ATP8A2: variants seen among roughly 807,000 people sequenced by gnomAD.
The protein encoded by ATP8A2 is phospholipid-transporting ATPase IB.
A neutral mutation model predicts 165.6 loss-of-function variants in ATP8A2; 100 were observed. The observed-to-expected ratio is 0.60, with a 90% CI of 0.51 to 0.71. The LOEUF is 0.71. Among genes scored for constraint, ATP8A2 ranks in the 30% least tolerant of loss-of-function variants. The probability of loss-of-function intolerance (pLI) is 0.00; values close to 1 mark genes in which losing one functional copy is unlikely to be tolerated. For missense variants in ATP8A2, 1,227 were observed against 1,479.5 expected, an observed-to-expected ratio of 0.83 and a Z score of 2.80; for synonymous variants, 543 against 548.8, an observed-to-expected ratio of 0.99 and a Z score of 0.15.
intron 24 of ATP8A2, among the ~76,000 whole-genome samples, chr13:25,689,057 CTT>C (rs986342006): frequency 3.3e-5 from 5 of 152,198 alleles, no homozygotes; most frequent in African/African-American, 7.2e-5. Context: ...GTCAAAGGGA[CTT>C]TAGAGACAGT....
chr13:25,451,908 G>T (rs147231907), intron 1 of ATP8A2, among the ~76,000 whole-genome samples: 7,063 of 150,944 alleles, frequency 0.047, 206 homozygotes, highest in East Asian at 0.093. Context: ...AGGCTGGAGT[G>T]CAGTGGCGTG....
rs149213080 is a variant in ATP8A2, at chr13:25,947,430, TGAGGC to T, written c.3184-14144_3184-14140del. 6.7e-3 allele frequency among the ~76,000 whole-genome samples: 1,026 copies of T among 152,218 alleles called. 12 individuals are homozygous for T. The highest frequency in any genetic ancestry group is 0.024 in the African/African-American group (980 of 41,536). ...GGTGACTGCTTGCCTTTAGCACTGG[TGAGGC>T]CCGCTGTGGGGTGGGAGAAGTCTTT... On this transcript the variant is annotated intron_variant, in intron 33 of 36. Coordinates refer to ENST00000381655, the MANE Select transcript of ATP8A2 (RefSeq NM_016529.6).
rs556162155 is a variant in ATP8A2 at position 25,738,047 on chromosome 13, AGTCTGAAGACCAC to A, written c.2385-30995_2385-30983del. On this transcript the variant is annotated intron_variant, in intron 25 of 36. Transcript: ENST00000381655. ...TGTGTAAATATGATGCCTCTTTCTG[AGTCTGAAGACCAC>A]GTCGTACATTAGGCACACTGGCTTG... Among the ~76,000 whole-genome samples the A allele has an allele frequency of 1.8e-3, 271 of 152,312 alleles. 1 individual carries two copies. Among genetic ancestry groups the A allele is most frequent in the African/African-American group, 6.2e-3 (257 of 41,576 alleles).
At chr13:25,652,530 A>G (rs1231483916) in intron 24 of ATP8A2, among the ~76,000 whole-genome samples, 1 of 152,168 alleles carries the variant, frequency 6.6e-6, no homozygotes, top group Admixed American at 6.5e-5. Context: ...TCCTCAAAAA[A>G]TTTAGGATAT....
intron 25 of ATP8A2, among the ~76,000 whole-genome samples, chr13:25,753,102 G>C (rs554766625): frequency 1.3e-5 from 2 of 152,336 alleles, no homozygotes; most frequent in South Asian, 4.1e-4. Flanking sequence ...TGTGCCAAGA[G>C]AAGGGACAGA....
At chr13:26,006,690 A>ATCT (rs1956747150) in intron 35 of ATP8A2, among the ~76,000 whole-genome samples, 1 of 151,938 alleles carries the variant, frequency 6.6e-6, no homozygotes, top group African/African-American at 2.4e-5. Flanking sequence ...TTTCCCTTAT[A>ATCT]TCTTTAGCAT....
chr13:25,998,318 G>C (rs954805869), intron 35 of ATP8A2, among the ~76,000 whole-genome samples: 3 of 152,180 alleles, frequency 2.0e-5, no homozygotes, highest in East Asian at 1.9e-4. Flanking sequence ...AAGGATCCCT[G>C]CTTGGTCTTC....
At chr13:25,550,768 T>A (rs1356327836) in intron 10 of ATP8A2, among the ~76,000 whole-genome samples, 1 of 152,242 alleles carries the variant, frequency 6.6e-6, no homozygotes, top group Non-Finnish European at 1.5e-5. Context: ...CCAAGTGAAC[T>A]TTTTGTCCAT....
At chr13:25,766,071 G>A (rs1164419537) in intron 25 of ATP8A2, among the ~76,000 whole-genome samples, 1 of 152,196 alleles carries the variant, frequency 6.6e-6, no homozygotes, top group East Asian at 1.9e-4. Context: ...TCCTGTTTAA[G>A]TTCCTGTTTT....
chr13:25,806,164 T>TTG (rs756002478), intron 27 of ATP8A2, among the ~76,000 whole-genome samples: 5 of 152,162 alleles, frequency 3.3e-5, no homozygotes, highest in Non-Finnish European at 7.4e-5. Context: ...CAGGGGTAAG[T>TTG]TGAGGAGGCG....
At chr13:25,764,263 G>T (rs1566115382) in intron 25 of ATP8A2, among the ~76,000 whole-genome samples, 1 of 152,082 alleles carries the variant, frequency 6.6e-6, no homozygotes, top group Non-Finnish European at 1.5e-5. Flanking sequence ...TCTTATTTGA[G>T]ACACTCAGAT....
intron 35 of ATP8A2, among the ~76,000 whole-genome samples, chr13:25,977,047 C>CCCCCACCCCCACCCCCG (rs1956062776): frequency 9.4e-6 from 1 of 106,348 alleles, no homozygotes. Flanking sequence ...CCCCACCCCC[C>CCCCCACCCCCACCCCCG]TTCCCTGCCC....
chr13:25,971,842 GCACA>G (rs1343339855), intron 35 of ATP8A2, among the ~76,000 whole-genome samples: 22 of 152,068 alleles, frequency 1.4e-4, no homozygotes, highest in Non-Finnish European at 1.5e-5. Flanking sequence ...TTGCAAAGAT[GCACA>G]GGCCAGGAGC....
intron 25 of ATP8A2, among the ~76,000 whole-genome samples, chr13:25,716,467 T>G (rs1488028524): frequency 6.6e-6 from 1 of 152,220 alleles, no homozygotes; most frequent in Admixed American, 6.5e-5. Flanking sequence ...ACCTGTAGTC[T>G]TTCATCTCCT....
intron 24 of ATP8A2, among the ~76,000 whole-genome samples, chr13:25,635,149 G>T (rs1450454606): frequency 6.6e-6 from 1 of 152,174 alleles, no homozygotes; most frequent in South Asian, 2.1e-4. Flanking sequence ...CATGCTCATG[G>T]CTTCAGTCTC....
At chr13:25,763,351 G>T (rs914919655) in intron 25 of ATP8A2, among the ~76,000 whole-genome samples, 1 of 151,928 alleles carries the variant, frequency 6.6e-6, no homozygotes, top group Admixed American at 6.6e-5. Flanking sequence ...CCTTTCCTTC[G>T]TTGTTGCATC....
intron 27 of ATP8A2, among the ~76,000 whole-genome samples, chr13:25,813,452 T>G (rs144696338): frequency 8.0e-6 from 1 of 124,896 alleles, no homozygotes; most frequent in African/African-American, 3.1e-5. Flanking sequence ...GGTGATATGA[T>G]GATGTGATAT....
chr13:25,711,480 C>T (rs539449032), intron 25 of ATP8A2, among the ~76,000 whole-genome samples: 3 of 151,860 alleles, frequency 2.0e-5, no homozygotes, highest in South Asian at 2.1e-4. Flanking sequence ...GAGGCTGAGG[C>T]GAAAAGGTTG....
At chr13:25,689,867 T>TA (rs1265767787) in intron 24 of ATP8A2, among the ~76,000 whole-genome samples, 10 of 151,788 alleles carry the variant, frequency 6.6e-5, no homozygotes, top group South Asian at 6.2e-4. Context: ...AATTTTCTTT[T>TA]AGGAAAAAAA....
Sources: allele counts gnomAD v4.1 joint callset (sites outside exome capture counted in the v4.1 genomes callset), GRCh38; gene constraint gnomAD v4.1.1; transcripts MANE v1.5; gene names NCBI Gene and HGNC (gene_info 2026-07-23, HGNC 2026-07-21).